Variants in SOD3 observed in about 807,000 individuals in gnomAD.
The protein encoded by SOD3 is superoxide dismutase 3.
In SOD3, 3 loss-of-function variants were observed where a neutral mutation model predicts 2.6. The observed-to-expected ratio is 1.13, with a 90% confidence interval of 0.52 to 2.93. SOD3 has a LOEUF of 2.93. Among genes scored for constraint, SOD3 ranks in the 30% most tolerant of loss-of-function variants. The probability of loss-of-function intolerance (pLI) is 0.04; values close to 1 mark genes in which losing one functional copy is unlikely to be tolerated. For missense variants in SOD3, 379 were observed against 370.4 expected (o/e 1.02, Z -0.19); for synonymous variants, 188 against 177.5 (o/e 1.06, Z -0.47).
In SOD3 at chr4:24,799,956, C is replaced by T. The variant is rs1713792011; in HGVS notation, c.435C>T (p.Asp145=). 1 of 1,590,850 alleles carries T rather than the reference C, an allele frequency of 6.3e-7. No individual in the cohort carries two copies. The highest frequency in any genetic ancestry group is 1.3e-5 in the African/African-American group (1 of 74,280). The part of the protein sequence containing the change: ...LAVPHPQHPG[D]FGNFAVRDGS... ...TGCCGCACCCGCAGCACCCGGGCGA[C>T]TTCGGCAACTTCGCGGTCCGCGACG... The change falls in exon 2 of 2, where the codon GAC becomes GAT. Residue 145 remains aspartate, a synonymous_variant. Coordinates refer to ENST00000382120, the MANE Select transcript of SOD3 (RefSeq NM_003102.4).
rs542885865 is a variant in SOD3 at position 24,799,634 on chromosome 4, T to C, written c.113T>C (p.Met38Thr). Reference protein sequence around the residue: ...NSDSAEWIRDMYAKVTEIWQE... With the variant: ...NSDSAEWIRDTYAKVTEIWQE... ...GACTCGGCGGAGTGGATCCGAGACA[T>C]GTACGCCAAGGTCACGGAGATCTGG... Residue 38 changes from methionine to threonine, a missense_variant, in exon 2 of 2, where the codon ATG becomes ACG. Transcript: ENST00000382120. The C allele has an allele frequency of 3.1e-6, 5 of 1,605,216 alleles. No homozygotes were observed. The highest frequency in any genetic ancestry group is 2.2e-5 in the East Asian group (1 of 44,648).
chr4:24,800,133 G>T lies in SOD3; in HGVS notation c.612G>T (p.Arg204=). The T allele has an allele frequency of 7.3e-7, 1 of 1,377,760 alleles. No homozygotes were observed. The highest frequency in any genetic ancestry group is 3.1e-5 in the East Asian group (1 of 32,476). 85.3% of individuals were successfully genotyped at this position (1,377,760 alleles called of 1,614,324 possible). The change falls in exon 2 of 2, where the codon CGG becomes CGT. Residue 204 remains arginine, a synonymous_variant. Coordinates refer to ENST00000382120, the MANE Select transcript of SOD3 (RefSeq NM_003102.4). ...TGGAGAACGGGAACGCGGGCCGGCG[G>T]CTGGCCTGCTGCGTGGTGGGCGTGT... ...ASVENGNAGR[R]LACCVVGVCG...
chr4:24,800,098 C>G lies in SOD3; in HGVS notation c.577C>G (p.Gln193Glu). 7.2e-7 allele frequency: 1 copy of G among 1,396,978 alleles called. No homozygotes were observed. Among genetic ancestry groups the G allele is most frequent in the Non-Finnish European group, 9.2e-7 (1 of 1,086,790 alleles). The allele number at this position is 1,396,978 out of a possible 1,614,324, so 86.5% of individuals were successfully genotyped here. Residue 193 changes from glutamine to glutamate, a missense_variant, in exon 2 of 2, where the codon CAG becomes GAG. By Grantham distance (29) the Gln-to-Glu change is conservative. Transcript: ENST00000382120. The part of the protein sequence containing the change: ...GEDDLGRGGN[Q>E]ASVENGNAGR... ...GGACGACCTGGGCCGCGGCGGCAAC[C>G]AGGCCAGCGTGGAGAACGGGAACGC...
rs1005492673 is a variant in SOD3, at chr4:24,798,410, C to T, written c.-16-1096C>T. Among the ~76,000 whole-genome samples the T allele has an allele frequency of 2.7e-4, 41 of 152,130 alleles. 2 individuals carry two copies. The highest frequency in any genetic ancestry group is 7.3e-5 in the Non-Finnish European group (5 of 68,034). On this transcript the variant is annotated intron_variant, in intron 1 of 1. Transcript: ENST00000382120. ...GTCATCTGCACTGTGCCTTCATCTT[C>T]CATCCTGCCAGTGCTGCCCGGTGTG... is the stretch of plus-strand genomic sequence containing the variant.
Position 24,799,813 on chromosome 4 carries a change from G to T in SOD3, c.292G>T (p.Ala98Ser), listed in dbSNP as rs778237245. Residue 98 changes from alanine (A) to serine (S), a missense_variant, in exon 2 of 2, where the codon GCC becomes TCC. Ala to Ser is a moderately conservative substitution (Grantham distance 99). Coordinates refer to ENST00000382120, the MANE Select transcript of SOD3 (RefSeq NM_003102.4). ...CCGCGCCAAGCTCGACGCCTTCTTC[G>T]CCCTGGAGGGCTTCCCGACCGAGCC... ...APRAKLDAFF[A>S]LEGFPTEPNS... The T allele has an allele frequency of 1.6e-5, 25 of 1,597,366 alleles. No homozygotes were observed. In the East Asian group the frequency reaches 5.4e-4, roughly 34 times the overall value.
At position 24,800,342 on chromosome 4, in the gene SOD3, T is replaced by G; in HGVS notation, c.*98T>G. On this transcript the variant is annotated 3_prime_UTR_variant, in exon 2 of 2. Transcript: ENST00000382120. Reference sequence around the variant, plus strand: ...AACAGACACCCTCCACTCTGAGGTCTCACCTTCGCCTTTGCTGAAGTCTCC... The same window carrying G: ...AACAGACACCCTCCACTCTGAGGTCGCACCTTCGCCTTTGCTGAAGTCTCC... 1 of 1,218,434 alleles carries G rather than the reference T, an allele frequency of 8.2e-7. No individual in the cohort carries two copies. The highest frequency in any genetic ancestry group is 1.1e-6 in the Non-Finnish European group (1 of 944,446). 75.5% of individuals were successfully genotyped at this position (1,218,434 alleles called of 1,614,324 possible).
intron 1 of SOD3, among the ~76,000 whole-genome samples, chr4:24,796,661 C>A (rs1314122758): frequency 6.8e-6 from 1 of 146,696 alleles, no homozygotes; most frequent in African/African-American, 2.6e-5. Flanking sequence ...GGGGTCTCTA[C>A]CAGGTTGGTC....
At position 24,799,638 on chromosome 4, in the gene SOD3, C is replaced by A. The variant is rs141224088; in HGVS notation, c.117C>A (p.Tyr39Ter). The stretch of plus-strand genomic sequence containing the variant: ...CGGCGGAGTGGATCCGAGACATGTA[C>A]GCCAAGGTCACGGAGATCTGGCAGG... The part of the protein sequence containing the change: ...SDSAEWIRDM[Y>*]AKVTEIWQEV... The change falls in exon 2 of 2, where the codon TAC becomes TAA. Residue 39 changes from tyrosine to a stop codon, truncating the protein, a stop_gained. Transcript: ENST00000382120. LOFTEE classifies it low-confidence loss of function (END_TRUNC). The A allele has an allele frequency of 6.2e-7, 1 of 1,605,014 alleles. No individual in the cohort carries two copies. Among genetic ancestry groups the A allele is most frequent in the Non-Finnish European group, 8.5e-7 (1 of 1,178,276 alleles).
rs1040288093 is a variant in SOD3, at chr4:24,800,121, C to T, written c.600C>T (p.Asn200=). The part of the protein sequence containing the change: ...GGNQASVENG[N]AGRRLACCVV... Reference sequence around the variant, plus strand: ...ACCAGGCCAGCGTGGAGAACGGGAACGCGGGCCGGCGGCTGGCCTGCTGCG... The same window carrying T: ...ACCAGGCCAGCGTGGAGAACGGGAATGCGGGCCGGCGGCTGGCCTGCTGCG... The change falls in exon 2 of 2, where the codon AAC becomes AAT. Residue 200 remains asparagine, a synonymous_variant. Coordinates refer to ENST00000382120, the MANE Select transcript of SOD3 (RefSeq NM_003102.4). The T allele has an allele frequency of 1.5e-6, 2 of 1,376,978 alleles. No homozygotes were observed. Among genetic ancestry groups the T allele is most frequent in the South Asian group, 1.7e-5 (1 of 58,948 alleles). The allele number at this position is 1,376,978 out of a possible 1,614,324, so 85.3% of individuals were successfully genotyped here.
intron 1 of SOD3, among the ~76,000 whole-genome samples, chr4:24,797,482 G>C (rs1018276902): frequency 6.6e-6 from 1 of 152,190 alleles, no homozygotes; most frequent in African/African-American, 2.4e-5. Flanking sequence ...TGTTCGATAA[G>C]TTTTAGCAAT....
chr4:24,800,303 T>A lies in SOD3; in HGVS notation c.*59T>A. 7.4e-7 allele frequency: 1 copy of A among 1,342,544 alleles called. No homozygotes were observed. Among genetic ancestry groups the A allele is most frequent in the Non-Finnish European group, 9.6e-7 (1 of 1,044,836 alleles). 83.2% of individuals were successfully genotyped at this position (1,342,544 alleles called of 1,614,324 possible). A position where few individuals can be genotyped will look rare whatever the true frequency, so the allele number is the denominator to read the frequency against. On this transcript the variant is annotated 3_prime_UTR_variant, in exon 2 of 2. Coordinates refer to ENST00000382120, the MANE Select transcript of SOD3 (RefSeq NM_003102.4). The stretch of plus-strand genomic sequence containing the variant: ...CCGAGGCCCCCCTCTGCCTTTGAGC[T>A]TCTCCTCTGCTCCAACAGACACCCT...
At chr4:24,799,463 C>T (rs1164720965) in intron 1 of SOD3, 43 bp from the exon 2 acceptor site, 1 of 1,580,374 alleles carries the variant, frequency 6.3e-7, no homozygotes, top group East Asian at 2.3e-5. Context: ...TTTCACGTGA[C>T]TAAGCCTCAC....
chr4:24,799,814 C>A lies in SOD3; in HGVS notation c.293C>A (p.Ala98Asp), dbSNP rs1713784329. Residue 98 changes from alanine to aspartate, a missense_variant, in exon 2 of 2, where the codon GCC (alanine) becomes GAC (aspartate). By Grantham distance (126) the Ala-to-Asp change is moderately radical (BLOSUM62 -2). Coordinates refer to ENST00000382120, the MANE Select transcript of SOD3 (RefSeq NM_003102.4). Reference protein sequence around the residue: ...APRAKLDAFFALEGFPTEPNS... With the variant: ...APRAKLDAFFDLEGFPTEPNS... ...CGCGCCAAGCTCGACGCCTTCTTCGCCCTGGAGGGCTTCCCGACCGAGCCG... is the reference window on the plus strand; with the variant it reads ...CGCGCCAAGCTCGACGCCTTCTTCGACCTGGAGGGCTTCCCGACCGAGCCG... 2 of 1,598,082 alleles carry A rather than the reference C, an allele frequency of 1.3e-6. No individual in the cohort carries two copies. Among genetic ancestry groups the A allele is most frequent in the Non-Finnish European group, 1.7e-6 (2 of 1,178,012 alleles).
In SOD3 at chr4:24,800,145, C is replaced by G; in HGVS notation, c.624C>G (p.Cys208Trp). 7.2e-7 allele frequency: 1 copy of G among 1,386,090 alleles called. No individual in the cohort carries two copies. The highest frequency in any genetic ancestry group is 3.7e-5 in the Admixed American group (1 of 26,768). 85.9% of individuals were successfully genotyped at this position (1,386,090 alleles called of 1,614,324 possible). ...ACGCGGGCCGGCGGCTGGCCTGCTG[C>G]GTGGTGGGCGTGTGCGGGCCCGGGC... ...NGNAGRRLAC[C>W]VVGVCGPGLW... Residue 208 changes from cysteine (C) to tryptophan (W), a missense_variant, in exon 2 of 2, where the codon TGC becomes TGG. Coordinates refer to ENST00000382120, the MANE Select transcript of SOD3 (RefSeq NM_003102.4).
intron 1 of SOD3, among the ~76,000 whole-genome samples, chr4:24,798,651 G>C (rs1172262728): frequency 2.0e-5 from 3 of 152,084 alleles, no homozygotes; most frequent in African/African-American, 7.2e-5. Flanking sequence ...AGGAACTAAA[G>C]ACTATCTCAT....
rs8192289 is a variant in SOD3 at position 24,798,794 on chromosome 4, T to G, written c.-16-712T>G. 5.1e-3 allele frequency among the ~76,000 whole-genome samples: 781 copies of G among 152,270 alleles called. 21 individuals carry two copies. In the East Asian group the frequency reaches 0.083, roughly 16 times the overall value. On this transcript the variant is annotated intron_variant, in intron 1 of 1. Coordinates refer to ENST00000382120, the MANE Select transcript of SOD3 (RefSeq NM_003102.4). ...GTCACCACCTCTGAGAAGCCTTCCC[T>G]GAGGCTCCTAGGGAGATGGGTACTG...
At chr4:24,799,415 G>T (rs911752172) in intron 1 of SOD3, 91 bp from the exon 2 acceptor site, 6 of 1,442,628 alleles carry the variant, frequency 4.2e-6, no homozygotes, top group Non-Finnish European at 4.6e-6. Context: ...GGGACTGGGG[G>T]GTTGGTTCTG....
Position 24,799,656 on chromosome 4 carries a change from C to A in SOD3, c.135C>A (p.Ile45=), listed in dbSNP as rs112489574. 14 of 1,603,452 alleles carry A rather than the reference C, an allele frequency of 8.7e-6. No homozygotes were observed. Among genetic ancestry groups the A allele is most frequent in the African/African-American group, 4.0e-5 (3 of 74,920 alleles). Residue 45 remains isoleucine (I), a synonymous_variant, in exon 2 of 2, where the codon ATC becomes ATA. Transcript: ENST00000382120. ...IRDMYAKVTE[I]WQEVMQRRDD... ...ACATGTACGCCAAGGTCACGGAGAT[C>A]TGGCAGGAGGTCATGCAGCGGCGGG...
rs372506656 is a variant in SOD3, at chr4:24,800,448, G to A, written c.*204G>A. ...CCTGAGGACCGCCCCAACCCTCGGA[G>A]CCCCCCACTCAGTAGGTCTGAAGGC... On this transcript the variant is annotated 3_prime_UTR_variant, in exon 2 of 2. Transcript: ENST00000382120. 3 of 439,258 alleles carry A rather than the reference G, an allele frequency of 6.8e-6. No individual in the cohort carries two copies. Among genetic ancestry groups the A allele is most frequent in the African/African-American group, 2.1e-5 (1 of 48,022 alleles). The allele number at this position is 439,258 out of a possible 1,614,324, so 27.2% of individuals were successfully genotyped here.
Sources: allele counts gnomAD v4.1 joint callset (sites outside exome capture counted in the v4.1 genomes callset), GRCh38; gene constraint gnomAD v4.1.1; transcripts MANE v1.5; gene names NCBI Gene and HGNC (gene_info 2026-07-23, HGNC 2026-07-21).